Variants in COL4A3 observed in about 807,000 individuals in gnomAD.
COL4A3 encodes collagen alpha-3(IV) chain.
A neutral mutation model predicts 217.4 loss-of-function variants in COL4A3; 135 were observed. The ratio of observed to expected loss-of-function variants is 0.62; its 90% CI spans 0.54 to 0.72. COL4A3 has a LOEUF of 0.72. Ranked by LOEUF, COL4A3 falls within the 30% of genes least tolerant of loss-of-function variation. The probability of loss-of-function intolerance (pLI) is 0.00; values close to 1 mark genes in which losing one functional copy is unlikely to be tolerated. For missense variants in COL4A3, 1,868 were observed against 2,119.9 expected (o/e 0.88, Z 2.33); for synonymous variants, 690 against 736.3 (o/e 0.94, Z 1.02).
intron 28 of COL4A3, among the ~76,000 whole-genome samples, chr2:227,279,141 C>G (rs1048862676): frequency 6.6e-6 from 1 of 150,754 alleles, no homozygotes; most frequent in Non-Finnish European, 1.5e-5. Flanking sequence ...GTAATTGGCA[C>G]TATCTCAGCT....
intron 36 of COL4A3, 34 bp downstream of exon 36, chr2:227,290,122 C>T (rs1275320373): frequency 1.3e-6 from 2 of 1,581,994 alleles, no homozygotes; most frequent in East Asian, 2.2e-5. Flanking sequence ...AGCCCACAAG[C>T]TCATGATGGG....
intron 23 of COL4A3, 116 bp from the exon 24 acceptor site, chr2:227,269,793 GA>G: frequency 1.3e-6 from 1 of 793,916 alleles, no homozygotes. Flanking sequence ...TTTTATGATA[GA>G]AGTTGTCTTT....
intron 1 of COL4A3, chr2:227,222,377 C>A (rs879786135): frequency 6.6e-6 from 1 of 152,038 alleles, no homozygotes; most frequent in African/African-American, 2.4e-5. Context: ...CAGGTCAACA[C>A]CCACCTGCAG....
chr2:227,202,753 ATATATATAT>A (rs2066754307), intron 1 of COL4A3, among the ~76,000 whole-genome samples: 1 of 23,800 alleles, frequency 4.2e-5, no homozygotes, highest in African/African-American at 2.5e-4. Flanking sequence ...AAAAATATAT[ATATATATAT>A]ATATATATAT....
Position 227,283,812 on chromosome 2 carries a change from G to T in COL4A3, c.2702G>T (p.Gly901Val). The change falls in exon 33 of 52, where the codon GGC (glycine) becomes GTC (valine). Residue 901 changes from glycine to valine, a missense_variant. Gly to Val is a moderately radical substitution (Grantham distance 109). Around this residue, in one of 2 missense-constraint regions of COL4A3, gnomAD observed 1,503 missense variants for 1,786.1 expected, o/e 0.84. Transcript: ENST00000396578. ...ATGATGGGCTTTCCTGGAGCCATTGGCCCTCCAGGGCCCCCTGGGAACCCA... is the reference window on the plus strand; with the variant it reads ...ATGATGGGCTTTCCTGGAGCCATTGTCCCTCCAGGGCCCCCTGGGAACCCA... ...IGMMGFPGAI[G>V]PPGPPGNPGT... The T allele has an allele frequency of 6.2e-7, 1 of 1,614,208 alleles. No individual in the cohort carries two copies. Among genetic ancestry groups the T allele is most frequent in the South Asian group, 1.1e-5 (1 of 91,086 alleles).
At position 227,267,006 on chromosome 2, in the gene COL4A3, C is replaced by T. The variant is rs1380196791; in HGVS notation, c.1422C>T (p.Leu474=). 1 of 1,613,758 alleles carries T rather than the reference C, an allele frequency of 6.2e-7. No homozygotes were observed. The highest frequency in any genetic ancestry group is 8.5e-7 in the Non-Finnish European group (1 of 1,179,666). Residue 474 remains leucine (L), a synonymous_variant, in exon 23 of 52, where the codon CTC becomes CTT. Coordinates refer to ENST00000396578, the MANE Select transcript of COL4A3 (RefSeq NM_000091.5). ...GVDGPKGEPG[L]LCTQCPYIPG... ...CTCTCATTGCAGGAGAACCAGGCCT[C>T]CTGTGTACACAGTGCCCTTATATCC... is the stretch of plus-strand genomic sequence containing the variant.
chr2:227,289,255 C>A lies in COL4A3; in HGVS notation c.2980+7C>A, dbSNP rs1248227284. The A allele has an allele frequency of 1.9e-6, 3 of 1,608,110 alleles. No homozygotes were observed. In the Admixed American group the frequency reaches 5.0e-5, roughly 27 times the overall value. Reference sequence around the variant, plus strand: ...GGACCAGCAGGACCACCAGGTACAGCTGATTCTCAAATAGAAAAATATCAC... The same window carrying A: ...GGACCAGCAGGACCACCAGGTACAGATGATTCTCAAATAGAAAAATATCAC... On this transcript the variant is annotated splice_region_variant and intron_variant, in intron 35 of 51. Coordinates refer to ENST00000396578, the MANE Select transcript of COL4A3 (RefSeq NM_000091.5).
chr2:227,262,564 CA>C (rs2125967784), intron 20 of COL4A3, among the ~76,000 whole-genome samples: 2 of 152,248 alleles, frequency 1.3e-5, no homozygotes, highest in African/African-American at 4.8e-5. Flanking sequence ...CAATTTCTTT[CA>C]CCAGTGTTTT....
chr2:227,171,987 G>A (rs1009460044), intron 1 of COL4A3, among the ~76,000 whole-genome samples: 2 of 152,142 alleles, frequency 1.3e-5, no homozygotes, highest in African/African-American at 2.4e-5. Context: ...GTGGCCTGCC[G>A]GCGCTTGAGA....
At chr2:227,207,776 G>A (rs1156643864) in intron 1 of COL4A3, among the ~76,000 whole-genome samples, 2 of 152,212 alleles carry the variant, frequency 1.3e-5, no homozygotes, top group African/African-American at 4.8e-5. Flanking sequence ...TAAATTGAGT[G>A]TTATCTCTCA....
intron 30 of COL4A3, 129 bp downstream of exon 30, chr2:227,280,719 TTTCCTTCTTCCTTCC>T (rs1352766586): frequency 8.2e-7 from 1 of 1,218,716 alleles, no homozygotes; most frequent in East Asian, 2.3e-5. Flanking sequence ...TTCTTCCTTC[TTTCCTTCTTCCTTCC>T]TTCTTTTTTA....
intron 1 of COL4A3, among the ~76,000 whole-genome samples, chr2:227,235,964 G>T (rs1054269760): frequency 6.6e-6 from 1 of 151,926 alleles, no homozygotes; most frequent in Admixed American, 6.6e-5. Flanking sequence ...AGTAGAGATG[G>T]GGTTTTGCCA....
chr2:227,246,180 G>T, intron 6 of COL4A3, 164 bp downstream of exon 6: 1 of 679,218 alleles, frequency 1.5e-6, no homozygotes. Flanking sequence ...TTCTTTCTTC[G>T]CATTCCTTGC....
chr2:227,193,448 T>G (rs2066319568), intron 1 of COL4A3, among the ~76,000 whole-genome samples: 1 of 152,210 alleles, frequency 6.6e-6, no homozygotes, highest in Non-Finnish European at 1.5e-5. Flanking sequence ...GCACGGCGGC[T>G]CACGCCTGTA....
chr2:227,284,103 C>G (rs2106173841), intron 33 of COL4A3, 108 bp from the exon 34 acceptor site: 3 of 1,456,038 alleles, frequency 2.1e-6, no homozygotes, highest in South Asian at 2.3e-5. Flanking sequence ...GCACTGTTAG[C>G]CTTTTTTGTT....
At chr2:227,209,062 T>G (rs1187633707) in intron 1 of COL4A3, among the ~76,000 whole-genome samples, 1 of 151,770 alleles carries the variant, frequency 6.6e-6, no homozygotes, top group African/African-American at 2.4e-5. Flanking sequence ...TGGAACCTCA[T>G]TTTTTGCCTA....
rs533240186 is a variant in COL4A3, at chr2:227,253,075, G to C, written c.646-221G>C. On this transcript the variant is annotated intron_variant, in intron 11 of 51. Coordinates refer to ENST00000396578, the MANE Select transcript of COL4A3 (RefSeq NM_000091.5). This position sits in a 1 kb window ranked among gnomAD's most constrained non-coding sequence, Gnocchi z 4.4. ...CCCACACCACTGCATGTCAGCATTT[G>C]CCATGTTAGGTAAATCCCTTAAGCT... Among the ~76,000 whole-genome samples the C allele has an allele frequency of 6.6e-6, 1 of 152,276 alleles. No homozygotes were observed. Among genetic ancestry groups the C allele is most frequent in the Non-Finnish European group, 1.5e-5 (1 of 68,034 alleles).
chr2:227,218,080 CTATATATA>C (rs10606625), intron 1 of COL4A3, among the ~76,000 whole-genome samples: 5 of 118,364 alleles, frequency 4.2e-5, no homozygotes, highest in African/African-American at 6.0e-5. Flanking sequence ...ATATATATAG[CTATATATA>C]TATATATATA....
chr2:227,305,433 A>C (rs1244654838), intron 47 of COL4A3: 1 of 232,808 alleles, frequency 4.3e-6, no homozygotes, highest in Non-Finnish European at 8.7e-6. Context: ...GGAGCAGTAC[A>C]TAAGTATGTA....
Sources: allele counts gnomAD v4.1 joint callset (sites outside exome capture counted in the v4.1 genomes callset), GRCh38; gene constraint gnomAD v4.1.1; regional missense constraint gnomAD v4.1.1; non-coding constraint Gnocchi (gnomAD v3.1); transcripts MANE v1.5; gene names NCBI Gene and HGNC (gene_info 2026-07-23, HGNC 2026-07-21).